The following SMAP1 variants were observed in gnomAD, a reference collection of about 807,000 sequenced individuals.
SMAP1 encodes small ArfGAP 1.
In SMAP1, 24 loss-of-function variants were observed where a neutral mutation model predicts 58.5. The ratio of observed to expected loss-of-function variants is 0.41; its 90% CI spans 0.30 to 0.58. SMAP1 has a LOEUF of 0.58. Among genes scored for constraint, SMAP1 ranks in the 20% least tolerant of loss-of-function variants. The pLI, the probability that SMAP1 is intolerant of heterozygous loss-of-function variation, is 0.29. For missense variants in SMAP1, 563 were observed against 566.3 expected, an observed-to-expected ratio of 0.99 and a Z score of 0.06; for synonymous variants, 216 against 196.6, an observed-to-expected ratio of 1.10 and a Z score of -0.82.
chr6:70,821,111 GA>G (rs1224456836), intron 6 of SMAP1, among the ~76,000 whole-genome samples: 1 of 151,084 alleles, frequency 6.6e-6, no homozygotes, highest in Non-Finnish European at 1.5e-5. Flanking sequence ...TTTTTAAAGA[GA>G]AAAATTAAGA....
intron 1 of SMAP1, among the ~76,000 whole-genome samples, chr6:70,700,039 G>A (rs1310261897): frequency 6.6e-6 from 1 of 152,032 alleles, no homozygotes; most frequent in African/African-American, 2.4e-5. Context: ...TGTTGGAGGT[G>A]GGGCCTGGTG....
chr6:70,812,329 A>G (rs562531349), intron 6 of SMAP1, among the ~76,000 whole-genome samples: 4 of 152,224 alleles, frequency 2.6e-5, no homozygotes, highest in Non-Finnish European at 5.9e-5. Context: ...AGTCAGATTT[A>G]TCTTTCAAAA....
chr6:70,857,335 A>G (rs1271768205), intron 9 of SMAP1: 5 of 218,542 alleles, frequency 2.3e-5, no homozygotes, highest in African/African-American at 2.3e-5. Context: ...CATGAAGTTT[A>G]TGACTGCGTA....
chr6:70,785,719 C>A (rs1767988581), intron 4 of SMAP1, among the ~76,000 whole-genome samples: 1 of 152,150 alleles, frequency 6.6e-6, no homozygotes, highest in Non-Finnish European at 1.5e-5. Flanking sequence ...GGATAAATTC[C>A]TCGACACATA....
At chr6:70,755,134 CTGTT>C in intron 3 of SMAP1, 69 bp downstream of exon 3, 1 of 1,219,916 alleles carries the variant, frequency 8.2e-7, no homozygotes, top group Non-Finnish European at 1.2e-6. Context: ...CATATTTTAT[CTGTT>C]AGTATTTAGG....
At chr6:70,704,860 T>A (rs904761100) in intron 1 of SMAP1, among the ~76,000 whole-genome samples, 4 of 152,230 alleles carry the variant, frequency 2.6e-5, no homozygotes, top group Admixed American at 2.6e-4. Context: ...AAAGCAAAAG[T>A]TCTAATATAT....
At position 70,861,646 on chromosome 6, in the gene SMAP1, C is replaced by CCA. The variant is rs1279181123; in HGVS notation, c.*1313_*1314dup. 6.2e-7 allele frequency: 1 copy of CCA among 1,609,622 alleles called. No homozygotes were observed. The highest frequency in any genetic ancestry group is 8.5e-7 in the Non-Finnish European group (1 of 1,176,502). On this transcript the variant is annotated 3_prime_UTR_variant, in exon 11 of 11. Transcript: ENST00000370455. ...GGATCCACTGGCTGGACAAACTGCA[C>CCA]CAGTTGCTGCTTCAATTTATACCTC...
intron 2 of SMAP1, among the ~76,000 whole-genome samples, chr6:70,738,413 A>G (rs902446035): frequency 6.6e-6 from 1 of 151,298 alleles, no homozygotes; most frequent in African/African-American, 2.4e-5. Context: ...CTGAATCTGG[A>G]AGGAATGTTT....
intron 3 of SMAP1, among the ~76,000 whole-genome samples, chr6:70,763,550 A>G (rs1298673061): frequency 2.6e-5 from 4 of 152,176 alleles, no homozygotes; most frequent in Admixed American, 2.6e-4. Flanking sequence ...ATTTTAAATC[A>G]AAAAGCTATA....
rs560117217 is a variant in SMAP1, at chr6:70,696,276, T to C, written c.118+28135T>C. The stretch of plus-strand genomic sequence containing the variant: ...TTCTACTCTGATATTTATTATTTCT[T>C]TTCTTCTAATTTTGGGCTTGGTTTG... On this transcript the variant is annotated intron_variant, in intron 1 of 10. Transcript: ENST00000370455. Among the ~76,000 whole-genome samples the C allele has an allele frequency of 1.6e-4, 24 of 152,272 alleles. No homozygotes were observed. In the South Asian group the frequency reaches 3.7e-3, roughly 24 times the overall value.
chr6:70,835,015 C>T (rs894018728), intron 6 of SMAP1, among the ~76,000 whole-genome samples: 5 of 151,282 alleles, frequency 3.3e-5, no homozygotes, highest in East Asian at 1.9e-4. Flanking sequence ...TTTGGGAGGC[C>T]GAGGCTAGCG....
chr6:70,755,275 C>T lies in SMAP1; in HGVS notation c.338+210C>T, dbSNP rs143873463. On this transcript the variant is annotated intron_variant, in intron 3 of 10. Transcript: ENST00000370455. Reference sequence around the variant, plus strand: ...CAGATTACATAATTACATAAAAATACACGATACATATGGTATTTAGATGTG... The same window carrying T: ...CAGATTACATAATTACATAAAAATATACGATACATATGGTATTTAGATGTG... Among the ~76,000 whole-genome samples, 40 of 152,054 alleles carry T rather than the reference C, an allele frequency of 2.6e-4. No individual in the cohort carries two copies. In the East Asian group the frequency reaches 7.5e-3, roughly 29 times the overall value.
At chr6:70,708,933 T>G (rs1767947886) in intron 1 of SMAP1, among the ~76,000 whole-genome samples, 1 of 152,234 alleles carries the variant, frequency 6.6e-6, no homozygotes, top group Admixed American at 6.5e-5. Flanking sequence ...TTTTGTTGAT[T>G]GTTTCCTTTG....
At chr6:70,831,854 A>G (rs762591769) in intron 6 of SMAP1, among the ~76,000 whole-genome samples, 2 of 152,202 alleles carry the variant, frequency 1.3e-5, no homozygotes, top group South Asian at 2.1e-4. Context: ...TGCTTTCCAC[A>G]ATGACTGGAC....
chr6:70,746,477 TTGATTTGCTTA>T (rs1156245763), intron 2 of SMAP1, among the ~76,000 whole-genome samples: 2 of 152,224 alleles, frequency 1.3e-5, no homozygotes, highest in Admixed American at 6.5e-5. Context: ...ATTACGTTTA[TTGATTTGCTTA>T]TGTTGAACCA....
chr6:70,674,084 A>G (rs974516964), intron 1 of SMAP1, among the ~76,000 whole-genome samples: 7 of 151,648 alleles, frequency 4.6e-5, no homozygotes, highest in Non-Finnish European at 1.0e-4. Flanking sequence ...AAAACGATAT[A>G]CTTTATAAAC....
intron 1 of SMAP1, among the ~76,000 whole-genome samples, chr6:70,704,234 A>G (rs1767748998): frequency 6.6e-6 from 1 of 152,228 alleles, no homozygotes; most frequent in Non-Finnish European, 1.5e-5. Flanking sequence ...CTATTAACAA[A>G]TTACAGGAGA....
chr6:70,843,175 TAAC>T (rs1770867754), intron 7 of SMAP1, among the ~76,000 whole-genome samples: 1 of 145,840 alleles, frequency 6.9e-6, no homozygotes, highest in Admixed American at 6.8e-5. Context: ...TTTTTAAAAT[TAAC>T]TAATAATAAA....
At chr6:70,707,196 A>C (rs917659634) in intron 1 of SMAP1, among the ~76,000 whole-genome samples, 2 of 152,160 alleles carry the variant, frequency 1.3e-5, no homozygotes, top group African/African-American at 4.8e-5. Flanking sequence ...ATAAGCATGG[A>C]ACATTTGAGC....
Sources: allele counts gnomAD v4.1 joint callset (sites outside exome capture counted in the v4.1 genomes callset), GRCh38; gene constraint gnomAD v4.1.1; transcripts MANE v1.5; gene names NCBI Gene and HGNC (gene_info 2026-07-23, HGNC 2026-07-21).